Variants in PCDH7 observed in about 807,000 individuals in gnomAD.
The protein encoded by PCDH7 is protocadherin 7, also known as protocadherin-7.
Under a neutral mutation model 58.9 loss-of-function variants are expected in PCDH7, and 17 were observed. That is an observed-to-expected ratio of 0.29 (90% CI 0.20 to 0.43). The LOEUF is 0.43. Among genes scored for constraint, PCDH7 ranks in the 20% least tolerant of loss-of-function variants. The pLI, the probability that PCDH7 is intolerant of heterozygous loss-of-function variation, is 1.00. For missense variants in PCDH7, 1,274 were observed against 1,441.0 expected, an observed-to-expected ratio of 0.88 and a Z score of 1.88; for synonymous variants, 664 against 616.4, an observed-to-expected ratio of 1.08 and a Z score of -1.14.
chr4:30,863,277 C>A (rs760721712), intron 1 of PCDH7, among the ~76,000 whole-genome samples: 1 of 152,054 alleles, frequency 6.6e-6, no homozygotes, highest in Admixed American at 6.6e-5. Flanking sequence ...CTTCTGTAAT[C>A]TCAAACCACT....
chr4:30,761,298 C>A (rs1456879438), intron 1 of PCDH7, among the ~76,000 whole-genome samples: 4 of 152,146 alleles, frequency 2.6e-5, no homozygotes, highest in Non-Finnish European at 5.9e-5. Flanking sequence ...TTCACTTTTA[C>A]AAAGTACACT....
chr4:30,942,097 T>C (rs186047450), intron 2 of PCDH7, among the ~76,000 whole-genome samples: 1 of 152,070 alleles, frequency 6.6e-6, no homozygotes, highest in Non-Finnish European at 1.5e-5. Context: ...TTGTTTACCA[T>C]AATATATCCA....
intron 1 of PCDH7, among the ~76,000 whole-genome samples, chr4:30,825,903 T>C (rs897800421): frequency 1.1e-4 from 17 of 152,154 alleles, no homozygotes; most frequent in Non-Finnish European, 2.2e-4. Context: ...GAATAGTGAA[T>C]ATGACTTGGA....
chr4:30,746,796 AAAG>A (rs1185838544), intron 1 of PCDH7, among the ~76,000 whole-genome samples: 1 of 152,148 alleles, frequency 6.6e-6, no homozygotes, highest in Non-Finnish European at 1.5e-5. Flanking sequence ...TGCTTGATGG[AAAG>A]AAGATTTTTT....
At chr4:31,127,585 C>T (rs1313904248) in intron 3 of PCDH7, among the ~76,000 whole-genome samples, 1 of 152,086 alleles carries the variant, frequency 6.6e-6, no homozygotes, top group African/African-American at 2.4e-5. Flanking sequence ...ATCACAATTA[C>T]ACCTAATTCT....
chr4:31,069,299 A>G (rs773923842), intron 3 of PCDH7, among the ~76,000 whole-genome samples: 39 of 152,134 alleles, frequency 2.6e-4, no homozygotes, highest in Admixed American at 7.2e-4. Flanking sequence ...TATTCTGGTG[A>G]AAGCAGGGTT....
intron 1 of PCDH7, among the ~76,000 whole-genome samples, chr4:30,794,985 A>T (rs999058369): frequency 7.2e-5 from 11 of 152,150 alleles, no homozygotes; most frequent in Non-Finnish European, 1.0e-4. Context: ...TTTATTGAGT[A>T]TTTAAATTAC....
chr4:30,990,989 A>G (rs976471402), intron 3 of PCDH7, among the ~76,000 whole-genome samples: 3 of 152,176 alleles, frequency 2.0e-5, no homozygotes, highest in East Asian at 1.9e-4. Context: ...AAGGAAGAGA[A>G]GTATTCCATT....
intron 3 of PCDH7, among the ~76,000 whole-genome samples, chr4:30,991,556 G>A (rs1047658276): frequency 5.3e-5 from 8 of 152,070 alleles, no homozygotes; most frequent in Non-Finnish European, 1.0e-4. Context: ...AGCCACATTT[G>A]GCTAGTAGTT....
intron 3 of PCDH7, among the ~76,000 whole-genome samples, chr4:31,054,563 G>A (rs1193340362): frequency 6.6e-6 from 1 of 152,104 alleles, no homozygotes; most frequent in Non-Finnish European, 1.5e-5. Context: ...ATCTAGATCT[G>A]GTGCTTCTAA....
chr4:30,879,485 A>G (rs1300135580), intron 1 of PCDH7, among the ~76,000 whole-genome samples: 1 of 152,020 alleles, frequency 6.6e-6, no homozygotes, highest in Non-Finnish European at 1.5e-5. Context: ...CCAAATTCTT[A>G]CCGTTTACGT....
intron 1 of PCDH7, among the ~76,000 whole-genome samples, chr4:30,758,078 A>C (rs1053745485): frequency 2.2e-4 from 33 of 152,220 alleles, no homozygotes; most frequent in African/African-American, 7.2e-4. Context: ...ATGAAAAAAA[A>C]TGCAGAGACA....
At chr4:31,015,756 T>C (rs1030656534) in intron 3 of PCDH7, among the ~76,000 whole-genome samples, 7 of 152,204 alleles carry the variant, frequency 4.6e-5, no homozygotes, top group African/African-American at 1.7e-4. Flanking sequence ...GTAGTGACAA[T>C]GTTTGTTTTC....
At chr4:30,724,931 A>T in intron 1 of PCDH7, 4 of 1,071,540 alleles carry the variant, frequency 3.7e-6, no homozygotes, top group Non-Finnish European at 4.6e-6. Context: ...TTAGATGGTT[A>T]GTTTTCACCT....
intron 2 of PCDH7, among the ~76,000 whole-genome samples, chr4:30,932,149 A>G (rs1311293970): frequency 6.6e-6 from 1 of 152,184 alleles, no homozygotes; most frequent in Non-Finnish European, 1.5e-5. Context: ...AATACTATGT[A>G]AGTAGGTGTG....
intron 3 of PCDH7, among the ~76,000 whole-genome samples, chr4:31,094,800 T>C (rs1209851923): frequency 2.0e-5 from 3 of 150,290 alleles, no homozygotes; most frequent in African/African-American, 7.6e-5. Flanking sequence ...TCCTTTTAAA[T>C]CCTTAAAAAC....
At chr4:31,108,191 C>A (rs142981888) in intron 3 of PCDH7, among the ~76,000 whole-genome samples, 66 of 151,718 alleles carry the variant, frequency 4.4e-4, no homozygotes, top group African/African-American at 1.6e-3. Context: ...AAATATTCAA[C>A]CTATTCCTCT....
chr4:30,744,878 A>G (rs1049510985), intron 1 of PCDH7, among the ~76,000 whole-genome samples: 1 of 152,234 alleles, frequency 6.6e-6, no homozygotes. Context: ...AGCAATTCCC[A>G]TTAGCTTCAC....
intron 1 of PCDH7, among the ~76,000 whole-genome samples, chr4:30,904,460 C>T (rs2109398116): frequency 6.6e-6 from 1 of 152,188 alleles, no homozygotes; most frequent in African/African-American, 2.4e-5. Flanking sequence ...TTATAATGGG[C>T]CCACCCAGAT....
Sources: gnomAD v4.1 joint callset for allele counts (sites outside exome capture counted in the v4.1 genomes callset) on GRCh38, gnomAD v4.1.1 for gene constraint, MANE v1.5 for transcripts, NCBI Gene and HGNC (gene_info 2026-07-23, HGNC 2026-07-21) for gene names.